MGAT4C: variants seen among roughly 807,000 people sequenced by gnomAD.
The protein encoded by MGAT4C is alpha-1,3-mannosyl-glycoprotein 4-beta-N-acetylglucosaminyltransferase C.
MGAT4C carries 19 observed loss-of-function variants against 40.1 expected under a neutral mutation model. The observed-to-expected ratio is 0.47, with a 90% CI of 0.33 to 0.70. The LOEUF is 0.70. Among genes scored for constraint, MGAT4C ranks in the 30% least tolerant of loss-of-function variants. The pLI, the probability that MGAT4C is intolerant of heterozygous loss-of-function variation, is 0.02. For synonymous variants in MGAT4C, 181 were observed against 187.1 expected, an observed-to-expected ratio of 0.97 and a Z score of 0.27; for missense variants, 491 against 563.2, an observed-to-expected ratio of 0.87 and a Z score of 1.30.
chr12:86,329,501 A>G (rs1954609396), intron 4 of MGAT4C, among the ~76,000 whole-genome samples: 1 of 152,140 alleles, frequency 6.6e-6, no homozygotes, highest in Non-Finnish European at 1.5e-5. Context: ...TGCCTGCCAA[A>G]ATAAGCAACT....
intron 2 of MGAT4C, among the ~76,000 whole-genome samples, chr12:86,647,111 C>A (rs1308286310): frequency 6.6e-6 from 1 of 151,844 alleles, no homozygotes; most frequent in Non-Finnish European, 1.5e-5. Flanking sequence ...AAGCTTCTCA[C>A]CTGTTCCAAG....
At chr12:86,673,953 A>G (rs1219425857) in intron 2 of MGAT4C, among the ~76,000 whole-genome samples, 3 of 152,036 alleles carry the variant, frequency 2.0e-5, no homozygotes, top group Admixed American at 6.6e-5. Context: ...CTAATTGAAC[A>G]TTATAAATGA....
At chr12:86,276,066 C>G (rs1306491955) in intron 4 of MGAT4C, among the ~76,000 whole-genome samples, 2 of 149,008 alleles carry the variant, frequency 1.3e-5, no homozygotes, top group Non-Finnish European at 3.0e-5. Flanking sequence ...TGCAGTGAGC[C>G]GAGATTGCGC....
intron 2 of MGAT4C, among the ~76,000 whole-genome samples, chr12:86,522,016 G>C (rs112883168): frequency 6.6e-6 from 1 of 152,094 alleles, no homozygotes; most frequent in Non-Finnish European, 1.5e-5. Flanking sequence ...AGACTATGGG[G>C]TTTTCTAGAC....
At chr12:86,554,477 C>T (rs1006837729) in intron 2 of MGAT4C, among the ~76,000 whole-genome samples, 24 of 152,194 alleles carry the variant, frequency 1.6e-4, no homozygotes, top group Admixed American at 3.9e-4. Flanking sequence ...CACTACCATA[C>T]TAGTCTGTGT....
chr12:86,015,563 A>T (rs118086036), intron 2 of MGAT4C: 5 of 152,384 alleles, frequency 3.3e-5, no homozygotes, highest in Non-Finnish European at 2.9e-5. Flanking sequence ...CACATTGCAC[A>T]GTTGCCACCA....
intron 1 of MGAT4C, among the ~76,000 whole-genome samples, chr12:86,818,569 T>C (rs111276631): frequency 6.6e-6 from 1 of 151,080 alleles, no homozygotes; most frequent in Non-Finnish European, 1.5e-5. Context: ...CTAGAATTGA[T>C]AGAATTCTTG....
Position 86,316,156 on chromosome 12 carries a change from C to G in MGAT4C, c.-57+17909G>C, listed in dbSNP as rs533227369. Among the ~76,000 whole-genome samples, 7 of 136,310 alleles carry G rather than the reference C, an allele frequency of 5.1e-5. No individual in the cohort carries two copies. In the South Asian group the frequency reaches 1.6e-3, roughly 32 times the overall value. The allele number at this position is 136,310 out of a possible 152,430, so 89.4% of individuals were successfully genotyped here. On this transcript the variant is annotated intron_variant, in intron 4 of 7. Coordinates refer to the MGAT4C transcript ENST00000548651. ...ATCATCACAGAAATGCAAAACAATA[C>G]CACAATGAGAGACACCATCTCATCA...
At chr12:86,647,534 A>T (rs1963576502) in intron 2 of MGAT4C, among the ~76,000 whole-genome samples, 1 of 151,824 alleles carries the variant, frequency 6.6e-6, no homozygotes, top group African/African-American at 2.4e-5. Context: ...TTTTGAATTA[A>T]ATCATTGCCT....
chr12:86,496,859 G>A (rs892265337), intron 2 of MGAT4C, among the ~76,000 whole-genome samples: 1 of 151,984 alleles, frequency 6.6e-6, no homozygotes, highest in Non-Finnish European at 1.5e-5. Context: ...AATGACTGTA[G>A]TTCATACTAG....
intron 1 of MGAT4C, among the ~76,000 whole-genome samples, chr12:86,826,677 C>T (rs1321021317): frequency 6.6e-6 from 1 of 151,182 alleles, no homozygotes; most frequent in Non-Finnish European, 1.5e-5. Context: ...GTAGGCATGA[C>T]TGGGAATGAG....
chr12:85,983,031 T>C (rs6539935), intron 4 of MGAT4C, among the ~76,000 whole-genome samples: 67,707 of 151,898 alleles, frequency 0.45, 15,917 homozygotes, highest in African/African-American at 0.53. Flanking sequence ...ACCTTGATTT[T>C]AACCTCTGGC....
At chr12:86,249,668 C>G (rs1401891431) in intron 1 of MGAT4C, among the ~76,000 whole-genome samples, 2 of 152,074 alleles carry the variant, frequency 1.3e-5, no homozygotes, top group African/African-American at 4.8e-5. Flanking sequence ...AAATTTTTAG[C>G]TCTCCCTCAC....
rs1284296461 is a variant in MGAT4C, at chr12:85,960,763, C to G, written c.*18526G>C. ...TGGATATAACGTGAATGGGCCCATA[C>G]CATAAACTCCTATTAAGCTGAATCA... On this transcript the variant is annotated 3_prime_UTR_variant, in exon 5 of 5. Transcript: ENST00000611864. 6.6e-6 allele frequency: 1 copy of G among 151,694 alleles called. No homozygotes were observed. Among genetic ancestry groups the G allele is most frequent in the Non-Finnish European group, 1.5e-5 (1 of 67,804 alleles). The allele number at this position is 151,694 out of a possible 1,614,324, so 9.4% of individuals were successfully genotyped here. A position where few individuals can be genotyped will look rare whatever the true frequency, so the allele number is the denominator to read the frequency against.
intron 2 of MGAT4C, among the ~76,000 whole-genome samples, chr12:86,556,296 G>C (rs1959607809): frequency 6.6e-6 from 1 of 152,128 alleles, no homozygotes; most frequent in Non-Finnish European, 1.5e-5. Context: ...CTTAATATTT[G>C]TTTTAAGTTA....
chr12:86,094,869 TA>T (rs1201919480), intron 1 of MGAT4C, among the ~76,000 whole-genome samples: 1 of 152,082 alleles, frequency 6.6e-6, no homozygotes, highest in South Asian at 2.1e-4. Context: ...TACATTAAGT[TA>T]TAGATTAAAG....
intron 2 of MGAT4C, among the ~76,000 whole-genome samples, chr12:86,671,849 C>T (rs1413905743): frequency 6.6e-6 from 1 of 152,054 alleles, no homozygotes; most frequent in Non-Finnish European, 1.5e-5. Flanking sequence ...ACAATAAAAG[C>T]AGGAGACTTT....
At chr12:86,101,811 T>C (rs1395706163) in intron 1 of MGAT4C, among the ~76,000 whole-genome samples, 1 of 151,966 alleles carries the variant, frequency 6.6e-6, no homozygotes, top group Non-Finnish European at 1.5e-5. Flanking sequence ...TTAATGAGAA[T>C]GTGTATGCAT....
At chr12:86,718,652 G>A (rs1381599715) in intron 2 of MGAT4C, among the ~76,000 whole-genome samples, 1 of 152,116 alleles carries the variant, frequency 6.6e-6, no homozygotes, top group African/African-American at 2.4e-5. Flanking sequence ...CACAGCAGGA[G>A]GTGAACAGCA....
Sources: gnomAD v4.1 joint callset for allele counts (sites outside exome capture counted in the v4.1 genomes callset) on GRCh38, gnomAD v4.1.1 for gene constraint, MANE v1.5 for transcripts, NCBI Gene and HGNC (gene_info 2026-07-23, HGNC 2026-07-21) for gene names.